Variants in DDX60L observed in about 807,000 individuals in gnomAD.
DDX60L encodes DExD/H-box 60 like.
DDX60L carries 191 observed loss-of-function variants against 211.6 expected under a neutral mutation model. The ratio of observed to expected loss-of-function variants is 0.90; its 90% CI spans 0.80 to 1.02. The LOEUF is 1.02. Ranked by LOEUF, DDX60L falls within the 50% of genes least tolerant of loss-of-function variation. DDX60L has a pLI of 0.00. For missense variants in DDX60L, 2,007 were observed against 1,984.1 expected (o/e 1.01, Z -0.22); for synonymous variants, 706 against 694.1 (o/e 1.02, Z -0.27).
In DDX60L at chr4:168,480,368, A is replaced by G. The variant is rs557347838; in HGVS notation, c.-111+9T>C. 3.7e-4 allele frequency: 57 copies of G among 152,566 alleles called. No individual in the cohort carries two copies. Among genetic ancestry groups the G allele is most frequent in the Admixed American group, 2.5e-3 (39 of 15,302 alleles). 9.5% of individuals were successfully genotyped at this position (152,566 alleles called of 1,614,324 possible). ...CCTAGCGACACCCGACGTCACCCGC[A>G]ATCCTCACCCCGGCCGCCGAACCTG... On this transcript the variant is annotated intron_variant, in intron 1 of 37. Coordinates refer to ENST00000682922, the MANE Select transcript of DDX60L (RefSeq NM_001012967.3).
At chr4:168,423,505 A>G (rs1207346195) in intron 15 of DDX60L, 103 bp downstream of exon 15, 12 of 784,480 alleles carry the variant, frequency 1.5e-5, no homozygotes, top group South Asian at 1.3e-4. Flanking sequence ...AACATAGTCA[A>G]TTGATAACTC....
rs753240828 is a variant in DDX60L at position 168,433,105 on chromosome 4, C to A, written c.1305G>T (p.Leu435Phe). 141 of 1,600,902 alleles carry A rather than the reference C, an allele frequency of 8.8e-5. No individual in the cohort carries two copies. Among genetic ancestry groups the A allele is most frequent in the Non-Finnish European group, 1.1e-4 (128 of 1,172,242 alleles). Reference protein sequence around the residue: ...QEKSVIQEISLEKMPSVGFIP... With the variant: ...QEKSVIQEISFEKMPSVGFIP... ...TAAAGCCCACACTAGGCATCTTTTC[C>A]AAGGAGATTTCTGAAAACAAATATA... The change falls in exon 11 of 38, where the codon TTG becomes TTT. Residue 435 changes from leucine to phenylalanine, a missense_variant. Coordinates refer to ENST00000682922, the MANE Select transcript of DDX60L (RefSeq NM_001012967.3).
chr4:168,434,009 T>A (rs569470600), intron 10 of DDX60L, among the ~76,000 whole-genome samples: 27 of 152,216 alleles, frequency 1.8e-4, no homozygotes, highest in Non-Finnish European at 3.2e-4. Context: ...AGAAGTCTGC[T>A]AGCAATTTAA....
chr4:168,443,706 G>C (rs1754302499), intron 9 of DDX60L, among the ~76,000 whole-genome samples: 1 of 149,342 alleles, frequency 6.7e-6, no homozygotes, highest in African/African-American at 2.5e-5. Context: ...AGCCAGAAGA[G>C]AGTGGGGGCC....
chr4:168,467,393 C>T (rs1758131340), intron 4 of DDX60L, among the ~76,000 whole-genome samples: 1 of 137,850 alleles, frequency 7.3e-6, no homozygotes, highest in Admixed American at 7.8e-5. Context: ...GCCTGGGAGA[C>T]AGAGTGAGAC....
chr4:168,358,152 C>T lies in DDX60L; in HGVS notation c.5116G>A (p.Glu1706Lys), dbSNP rs201981758. The T allele has an allele frequency of 1.3e-4, 205 of 1,608,244 alleles. No individual in the cohort carries two copies. The highest frequency in any genetic ancestry group is 6.7e-5 in the South Asian group (6 of 90,172). ...MQIQMSQNHL[E>K] ...CTTGAAAGTTTTCCATGGTGTTATT[C>T]TAAATGATTTTGACTCATTTGAATT... Residue 1706 changes from glutamate to lysine, a missense_variant, in exon 38 of 38, where the codon GAA (glutamate) becomes AAA (lysine). Coordinates refer to ENST00000682922, the MANE Select transcript of DDX60L (RefSeq NM_001012967.3).
rs747563569 is a variant in DDX60L, at chr4:168,472,714, G to C, written c.-15C>G. ...GAATTACCCATCGTTGCTGCTTCTTGGGCTACAGGGTAGAAGAGTAGAGCT... is the reference window on the plus strand; with the variant it reads ...GAATTACCCATCGTTGCTGCTTCTTCGGCTACAGGGTAGAAGAGTAGAGCT... On this transcript the variant is annotated 5_prime_UTR_variant, in exon 2 of 38. Coordinates refer to ENST00000682922, the MANE Select transcript of DDX60L (RefSeq NM_001012967.3). The C allele has an allele frequency of 6.2e-7, 1 of 1,613,096 alleles. No homozygotes were observed. Among genetic ancestry groups the C allele is most frequent in the African/African-American group, 1.3e-5 (1 of 74,876 alleles).
intron 13 of DDX60L, among the ~76,000 whole-genome samples, chr4:168,430,130 C>T (rs557561445): frequency 3.3e-5 from 5 of 152,162 alleles, no homozygotes; most frequent in Non-Finnish European, 7.4e-5. Context: ...ACCCGGGAGG[C>T]GGAGGTTGCA....
intron 14 of DDX60L, 41 bp downstream of exon 14, chr4:168,427,029 T>G (rs1400100776): frequency 2.6e-6 from 4 of 1,537,762 alleles, no homozygotes; most frequent in Middle Eastern, 3.4e-4. Context: ...CATTAATATT[T>G]TCATCACTAC....
intron 29 of DDX60L, among the ~76,000 whole-genome samples, chr4:168,386,635 C>T (rs895208501): frequency 6.0e-5 from 9 of 149,924 alleles, no homozygotes; most frequent in African/African-American, 2.2e-4. Flanking sequence ...GTAACTTAGC[C>T]ACAATCCAAC....
At chr4:168,373,935 T>A (rs1741477656) in intron 34 of DDX60L, 127 bp from the exon 35 acceptor site, 1 of 892,906 alleles carries the variant, frequency 1.1e-6, no homozygotes, top group South Asian at 1.7e-5. Flanking sequence ...CTGATTGAGA[T>A]ATGGTGCATA....
At position 168,427,883 on chromosome 4, in the gene DDX60L, T is replaced by C. The variant is rs1388814749; in HGVS notation, c.1678-561A>G. 3.3e-5 allele frequency among the ~76,000 whole-genome samples: 5 copies of C among 152,206 alleles called. No homozygotes were observed. The East Asian group carries it at 9.6e-4, about 29-fold the overall frequency. ...TCCCCTAACTAGATCAAACATTTAA[T>C]TCCCATTTTGCTTCTATTTCAGTGT... On this transcript the variant is annotated intron_variant, in intron 13 of 37. Transcript: ENST00000682922.
chr4:168,431,444 T>C lies in DDX60L; in HGVS notation c.1517-806A>G, dbSNP rs142700998. Among the ~76,000 whole-genome samples the C allele has an allele frequency of 3.7e-3, 566 of 152,026 alleles. 1 individual carries two copies. Among genetic ancestry groups the C allele is most frequent in the African/African-American group, 0.012 (514 of 41,468 alleles). On this transcript the variant is annotated intron_variant, in intron 12 of 37. Transcript: ENST00000682922. ...TAAATAGCTTATTCCTATATGCAAT[T>C]GGCATACTTACTTGACTTATTTCTA...
chr4:168,419,196 G>T, intron 19 of DDX60L, 106 bp downstream of exon 19: 2 of 683,056 alleles, frequency 2.9e-6, no homozygotes, highest in South Asian at 3.0e-5. Context: ...CCTGGCTGAC[G>T]CACAACTTAA....
At chr4:168,429,346 A>T (rs1325151790) in intron 13 of DDX60L, among the ~76,000 whole-genome samples, 2 of 151,992 alleles carry the variant, frequency 1.3e-5, no homozygotes, top group African/African-American at 4.8e-5. Flanking sequence ...GGGTTTCACC[A>T]CGTTGGCCAG....
chr4:168,463,352 C>T (rs901351473), intron 4 of DDX60L, among the ~76,000 whole-genome samples: 2 of 152,188 alleles, frequency 1.3e-5, no homozygotes, highest in Non-Finnish European at 2.9e-5. Context: ...CCAAATACTG[C>T]ATGTTGTCAC....
intron 29 of DDX60L, among the ~76,000 whole-genome samples, chr4:168,389,424 A>C (rs1344249480): frequency 1.3e-5 from 2 of 152,256 alleles, no homozygotes; most frequent in Non-Finnish European, 2.9e-5. Flanking sequence ...CTAATATAAA[A>C]TACATAGTTC....
At chr4:168,370,029 A>G (rs1222538674) in intron 36 of DDX60L, among the ~76,000 whole-genome samples, 1 of 152,226 alleles carries the variant, frequency 6.6e-6, no homozygotes, top group African/African-American at 2.4e-5. Context: ...TCAAAACATT[A>G]AAACTAGAAT....
chr4:168,476,644 T>C (rs970472468), intron 1 of DDX60L, among the ~76,000 whole-genome samples: 9 of 66,898 alleles, frequency 1.3e-4, no homozygotes, highest in African/African-American at 4.7e-4. Flanking sequence ...TGGATTCTGA[T>C]GGAAGTTAAA....
Sources: gnomAD v4.1 joint callset for allele counts (sites outside exome capture counted in the v4.1 genomes callset) on GRCh38, gnomAD v4.1.1 for gene constraint, MANE v1.5 for transcripts, NCBI Gene and HGNC (gene_info 2026-07-23, HGNC 2026-07-21) for gene names.